FYTTD1: variants seen among roughly 807,000 people sequenced by gnomAD.
The protein encoded by FYTTD1 is forty-two-three domain containing 1.
FYTTD1 carries 22 observed loss-of-function variants against 40.9 expected under a neutral mutation model. The observed-to-expected ratio is 0.54, with a 90% CI of 0.38 to 0.77. FYTTD1 has a LOEUF of 0.77. Among genes scored for constraint, FYTTD1 ranks in the 30% least tolerant of loss-of-function variants. The probability of loss-of-function intolerance (pLI) is 0.00; values close to 1 mark genes in which losing one functional copy is unlikely to be tolerated. For missense variants in FYTTD1, 351 were observed against 392.2 expected (o/e 0.90, Z 0.89); for synonymous variants, 140 against 137.9 (o/e 1.01, Z -0.10).
At chr3:197,760,691 AATGTATG>A in intron 2 of FYTTD1, among the ~76,000 whole-genome samples, 1 of 152,000 alleles carries the variant, frequency 6.6e-6, no homozygotes, top group South Asian at 2.1e-4. Context: ...TCAGTGGTAT[AATGTATG>A]GAGTTGTTCT....
At chr3:197,757,473 A>G (rs544618466) in intron 2 of FYTTD1, among the ~76,000 whole-genome samples, 1 of 152,372 alleles carries the variant, frequency 6.6e-6, no homozygotes, top group East Asian at 1.9e-4. Flanking sequence ...TACAGCTAAT[A>G]TCCCATTATA....
At chr3:197,760,131 A>G (rs148154711) in intron 2 of FYTTD1, among the ~76,000 whole-genome samples, 396 of 151,804 alleles carry the variant, frequency 2.6e-3, no homozygotes, top group African/African-American at 8.9e-3. Context: ...CCTCAGTGGT[A>G]GAACTTATAG....
chr3:197,773,797 T>C (rs1679661), intron 5 of FYTTD1, among the ~76,000 whole-genome samples: 125,514 of 148,366 alleles, frequency 0.85, 52,856 homozygotes, highest in East Asian at 0.99. Context: ...TGGGCCCCTC[T>C]GCTGCACTCA....
At chr3:197,769,345 C>A (rs1472228621) in intron 3 of FYTTD1, among the ~76,000 whole-genome samples, 6 of 152,196 alleles carry the variant, frequency 3.9e-5, no homozygotes, top group African/African-American at 1.2e-4. Context: ...CTCACCCTCC[C>A]AAAGTGTGGG....
At chr3:197,778,597 T>C in intron 8 of FYTTD1, 133 bp downstream of exon 8, 1 of 593,044 alleles carries the variant, frequency 1.7e-6, no homozygotes, top group Non-Finnish European at 3.0e-6. Context: ...ACTAATCTGC[T>C]TTTGTCTGCC....
intron 7 of FYTTD1, among the ~76,000 whole-genome samples, 194 bp downstream of exon 7, chr3:197,777,195 G>C (rs1729901530): frequency 6.6e-6 from 1 of 152,186 alleles, no homozygotes; most frequent in African/African-American, 2.4e-5. Context: ...TGATTCTGCA[G>C]CCCTAAATGA....
chr3:197,750,944 G>C, intron 1 of FYTTD1: 1 of 664,236 alleles, frequency 1.5e-6, no homozygotes, highest in Non-Finnish European at 1.9e-6. Flanking sequence ...GGCACCAGCC[G>C]CTGTGGTTAG....
chr3:197,750,097 G>A (rs1175530500), intron 1 of FYTTD1, 23 bp downstream of exon 1: 2 of 1,527,588 alleles, frequency 1.3e-6, no homozygotes, highest in Admixed American at 1.9e-5. Context: ...GTTGGACCGA[G>A]TTGGAGTGCG....
chr3:197,763,111 C>T (rs1487888598), intron 2 of FYTTD1, among the ~76,000 whole-genome samples: 3 of 152,082 alleles, frequency 2.0e-5, no homozygotes, highest in Non-Finnish European at 4.4e-5. Flanking sequence ...TTTTAACTAT[C>T]TTACTAATAG....
upstream of FYTTD1, chr3:197,749,881 T>G: frequency 1.2e-6 from 1 of 800,094 alleles, no homozygotes; most frequent in Non-Finnish European, 1.8e-6. Flanking sequence ...GCGCGCTCCC[T>G]CGGTGCGGCG....
At chr3:197,774,047 A>C (rs971824225) in intron 5 of FYTTD1, 102 bp from the exon 6 acceptor site, 11 of 945,976 alleles carry the variant, frequency 1.2e-5, no homozygotes, top group Non-Finnish European at 1.9e-5. Context: ...CGCTGCACTC[A>C]TGTACACGCA....
Position 197,777,381 on chromosome 3 carries a change from C to T in FYTTD1, c.731+380C>T, listed in dbSNP as rs1477350247. 4.6e-5 allele frequency among the ~76,000 whole-genome samples: 7 copies of T among 151,564 alleles called. No homozygotes were observed. In the South Asian group the frequency reaches 6.3e-4, roughly 14 times the overall value. The stretch of plus-strand genomic sequence containing the variant: ...AAGCGATCCTCCTGCCTCAGCCTCC[C>T]GAGTCCTGAGGAGCTGCAGCGACAG... On this transcript the variant is annotated intron_variant, in intron 7 of 8. Coordinates refer to ENST00000241502, the MANE Select transcript of FYTTD1 (RefSeq NM_032288.7).
At chr3:197,755,611 A>T (rs9286752) in intron 1 of FYTTD1, 2,130 of 201,166 alleles carry the variant, frequency 0.011, 29 homozygotes, top group Middle Eastern at 0.024. Context: ...ATACCCGGCT[A>T]ATTTATTTAT....
intron 1 of FYTTD1, among the ~76,000 whole-genome samples, chr3:197,752,476 CTGTATG>C (rs1488717250): frequency 6.6e-6 from 1 of 152,138 alleles, no homozygotes; most frequent in Non-Finnish European, 1.5e-5. Flanking sequence ...GTGTGTATGT[CTGTATG>C]TATGCTTTTA....
intron 4 of FYTTD1, among the ~76,000 whole-genome samples, chr3:197,773,025 G>A (rs905032992): frequency 5.3e-5 from 8 of 152,068 alleles, no homozygotes; most frequent in African/African-American, 1.7e-4. Flanking sequence ...TTTATTTTAC[G>A]TCTTCAGTTT....
Position 197,764,581 on chromosome 3 carries a change from C to T in FYTTD1, c.236-3858C>T, listed in dbSNP as rs551294466. On this transcript the variant is annotated intron_variant, in intron 2 of 8. Coordinates refer to ENST00000241502, the MANE Select transcript of FYTTD1 (RefSeq NM_032288.7). ...AAAATTAGCTGGGCATGGTGGTGGG[C>T]GCCTGTAGTCCCAGCTACTCAGGAG... Among the ~76,000 whole-genome samples the T allele has an allele frequency of 5.2e-3, 786 of 151,716 alleles. 5 individuals are homozygous for T. The highest frequency in any genetic ancestry group is 9.2e-3 in the Non-Finnish European group (626 of 67,922).
At position 197,782,975 on chromosome 3, in the gene FYTTD1, A is replaced by G. The variant is rs1423234967; in HGVS notation, c.*1066A>G. The stretch of plus-strand genomic sequence containing the variant: ...TCCAAAAACAAAAATATACTTGTAT[A>G]TGTCACAGAGAAAAAAAATGCAAAA... On this transcript the variant is annotated 3_prime_UTR_variant, in exon 9 of 9. Coordinates refer to ENST00000241502, the MANE Select transcript of FYTTD1 (RefSeq NM_032288.7). The G allele has an allele frequency of 6.6e-6, 1 of 152,630 alleles. No individual in the cohort carries two copies. Among genetic ancestry groups the G allele is most frequent in the Non-Finnish European group, 1.5e-5 (1 of 68,036 alleles). The allele number at this position is 152,630 out of a possible 1,614,324, so 9.5% of individuals were successfully genotyped here. A position where few individuals can be genotyped will look rare whatever the true frequency, so the allele number is the denominator to read the frequency against.
chr3:197,756,609 G>T (rs1327315956), intron 2 of FYTTD1, 52 bp downstream of exon 2: 12 of 1,521,822 alleles, frequency 7.9e-6, no homozygotes, highest in Non-Finnish European at 1.1e-5. Context: ...TGTGTTCATA[G>T]TGTACTGTCT....
At chr3:197,764,458 C>G (rs1421967284) in intron 2 of FYTTD1, among the ~76,000 whole-genome samples, 2 of 152,110 alleles carry the variant, frequency 1.3e-5, no homozygotes. Flanking sequence ...GCCAGTAATC[C>G]CAGCACTTTG....
Sources: gnomAD v4.1 joint callset for allele counts (sites outside exome capture counted in the v4.1 genomes callset) on GRCh38, gnomAD v4.1.1 for gene constraint, MANE v1.5 for transcripts, NCBI Gene and HGNC (gene_info 2026-07-23, HGNC 2026-07-21) for gene names.